PODXL2: variants seen among roughly 807,000 people sequenced by gnomAD.
PODXL2 encodes podocalyxin like 2, also known as podocalyxin-like protein 2.
A neutral mutation model predicts 53.4 loss-of-function variants in PODXL2; 17 were observed. That is an observed-to-expected ratio of 0.32 (90% CI 0.22 to 0.48). PODXL2 has a LOEUF of 0.48. Ranked by LOEUF, PODXL2 falls within the 20% of genes least tolerant of loss-of-function variation. PODXL2 has a pLI of 0.99. For missense variants in PODXL2, 673 were observed against 760.0 expected, an observed-to-expected ratio of 0.89 and a Z score of 1.35; for synonymous variants, 311 against 306.7, an observed-to-expected ratio of 1.01 and a Z score of -0.15.
In PODXL2 at chr3:127,660,613, C is replaced by G; in HGVS notation, c.585C>G (p.Ser195=). 2 of 1,614,100 alleles carry G rather than the reference C, an allele frequency of 1.2e-6. No homozygotes were observed. Among genetic ancestry groups the G allele is most frequent in the Non-Finnish European group, 1.7e-6 (2 of 1,180,006 alleles). The change falls in exon 3 of 8, where the codon TCC becomes TCG. Residue 195 remains serine, a synonymous_variant. Transcript: ENST00000342480. The part of the protein sequence containing the change: ...EEEELLPVNG[S]QEEAKPQVRD... ...AGGAGCTGCTCCCTGTGAATGGATC[C>G]CAAGAAGAAGCCAAGCCTCAGGTCC...
rs535115707 is a variant in PODXL2, at chr3:127,672,776, C to T, written c.*296C>T. ...CTGCGCCCCGGGACTCAATTAAACC[C>T]GCCCGGAGACCACGCCGGGCCCAGC... On this transcript the variant is annotated 3_prime_UTR_variant, in exon 8 of 8. Coordinates refer to ENST00000342480, the MANE Select transcript of PODXL2 (RefSeq NM_015720.4). 134 of 359,182 alleles carry T rather than the reference C, an allele frequency of 3.7e-4. No homozygotes were observed. The highest frequency in any genetic ancestry group is 2.7e-3 in the African/African-American group (126 of 47,130). The allele number at this position is 359,182 out of a possible 1,614,324, so 22.2% of individuals were successfully genotyped here.
chr3:127,629,825 A>G lies in PODXL2; in HGVS notation c.70+536A>G, dbSNP rs908405307. Among the ~76,000 whole-genome samples the G allele has an allele frequency of 3.9e-5, 6 of 151,984 alleles. No individual in the cohort carries two copies. Among genetic ancestry groups the G allele is most frequent in the African/African-American group, 1.2e-4 (5 of 41,414 alleles). On this transcript the variant is annotated intron_variant, in intron 1 of 7. Coordinates refer to ENST00000342480, the MANE Select transcript of PODXL2 (RefSeq NM_015720.4). The surrounding 1 kb of genome is among the most constrained non-coding windows in gnomAD (Gnocchi z 6.4). ...GAGGGAGTGTGAGTGTGTCACGGTG[A>G]ATGGGTATTCTCTCCTGTTCTGGGC...
chr3:127,634,027 G>A (rs1365133276), intron 1 of PODXL2, among the ~76,000 whole-genome samples: 4 of 152,024 alleles, frequency 2.6e-5, no homozygotes, highest in Non-Finnish European at 5.9e-5. Flanking sequence ...GGGGAAGGTG[G>A]GTGCAGAGAG....
Position 127,629,227 on chromosome 3 carries a change from G to T in PODXL2, c.8G>T (p.Arg3Leu), listed in dbSNP as rs1189807758. Residue 3 changes from arginine (R) to leucine (L), a missense_variant, in exon 1 of 8, where the codon CGG becomes CTG. Physicochemically the swap from Arg to Leu is moderately radical, Grantham distance 102. Around this residue, in one of 3 missense-constraint regions of PODXL2, gnomAD observed 588 missense variants for 668.3 expected, o/e 0.88. Transcript: ENST00000342480. This position sits in a 1 kb window ranked among gnomAD's most constrained non-coding sequence, Gnocchi z 6.4. ...GGCGGCGACGGCTACACCATGGGCC[G>T]GCTGCTGCGGGCCGCCCGGCTGCCG... MGRLLRAARLPPL... is the reference protein window; with the variant it reads MGLLLRAARLPPL... 2 of 995,248 alleles carry T rather than the reference G, an allele frequency of 2.0e-6. No homozygotes were observed. Among genetic ancestry groups the T allele is most frequent in the Non-Finnish European group, 2.4e-6 (2 of 837,114 alleles). The allele number at this position is 995,248 out of a possible 1,614,324, so 61.7% of individuals were successfully genotyped here.
chr3:127,638,937 G>C (rs370300649), intron 1 of PODXL2, among the ~76,000 whole-genome samples: 1 of 152,122 alleles, frequency 6.6e-6, no homozygotes, highest in African/African-American at 2.4e-5. Context: ...AACAGAGAGA[G>C]GGTACTCAGG....
At chr3:127,671,881 G>C (rs911231602) in intron 7 of PODXL2, among the ~76,000 whole-genome samples, 2 of 152,200 alleles carry the variant, frequency 1.3e-5, no homozygotes, top group Admixed American at 1.3e-4. Context: ...GGCACTGCAG[G>C]GCCTGAGCAC....
At chr3:127,657,007 CT>C (rs927911878) in intron 2 of PODXL2, among the ~76,000 whole-genome samples, 1 of 152,132 alleles carries the variant, frequency 6.6e-6, no homozygotes, top group African/African-American at 2.4e-5. Context: ...CACCACTGCA[CT>C]CCAGCCTGGG....
chr3:127,672,210 C>G lies in PODXL2; in HGVS notation c.1606-58C>G, dbSNP rs866780023. On this transcript the variant is annotated intron_variant, in intron 7 of 7. Transcript: ENST00000342480. ...GTGGGGTTGCACAGACGGCCGCGGG[C>G]CTGGCGCTGTCCGGGGGCTGGCTCG... 98 of 1,443,060 alleles carry G rather than the reference C, an allele frequency of 6.8e-5. 1 individual carries two copies. The African/African-American group carries it at 1.1e-3, about 17-fold the overall frequency. The allele number at this position is 1,443,060 out of a possible 1,614,324, so 89.4% of individuals were successfully genotyped here. A position where few individuals can be genotyped will look rare whatever the true frequency, so the allele number is the denominator to read the frequency against.
chr3:127,655,522 T>C (rs1160501963), intron 2 of PODXL2, among the ~76,000 whole-genome samples: 1 of 152,202 alleles, frequency 6.6e-6, no homozygotes, highest in African/African-American at 2.4e-5. Context: ...GTCACCTCAC[T>C]GAACCCTGAC....
chr3:127,638,794 A>G (rs1449819156), intron 1 of PODXL2, among the ~76,000 whole-genome samples: 1 of 152,224 alleles, frequency 6.6e-6, no homozygotes, highest in Non-Finnish European at 1.5e-5. Flanking sequence ...TTCATAATGC[A>G]GTTTTGGAGA....
chr3:127,645,486 C>T (rs968211582), intron 2 of PODXL2, among the ~76,000 whole-genome samples: 4 of 152,160 alleles, frequency 2.6e-5, no homozygotes, highest in African/African-American at 7.2e-5. Context: ...GACCAGTGCA[C>T]GTGGTTATGC....
intron 3 of PODXL2, among the ~76,000 whole-genome samples, chr3:127,661,458 T>C (rs1282541615): frequency 2.7e-5 from 4 of 150,930 alleles, no homozygotes; most frequent in African/African-American, 9.7e-5. Context: ...TTTCCCGAGA[T>C]GGAGTCTCAC....
intron 2 of PODXL2, among the ~76,000 whole-genome samples, chr3:127,650,332 G>C (rs1046218875): frequency 4.6e-5 from 7 of 152,146 alleles, no homozygotes; most frequent in African/African-American, 7.2e-5. Context: ...GATCTATTTA[G>C]GGAACAAAGC....
intron 2 of PODXL2, 82 bp downstream of exon 2, chr3:127,639,605 G>T: frequency 7.7e-7 from 1 of 1,298,292 alleles, no homozygotes; most frequent in Non-Finnish European, 1.1e-6. Flanking sequence ...TTCCTTGCCA[G>T]AAGCATCTCT....
At position 127,669,141 on chromosome 3, in the gene PODXL2, G is replaced by A; in HGVS notation, c.1364G>A (p.Gly455Glu). Reference protein sequence around the residue: ...HLLMTLVGEQGVVPTQDVLSM... With the variant: ...HLLMTLVGEQEVVPTQDVLSM... ...GATAGTGGTGTTTCTTACCCCCCAG[G>A]GGTGGTGCCCACTCAAGATGTCCTT... Residue 455 changes from glycine (G) to glutamate (E), a missense_variant and splice_region_variant, in exon 6 of 8, where the codon GGG becomes GAG. This residue lies in a region of PODXL2 where 588 missense variants were observed against 668.3 expected (regional missense o/e 0.88). Transcript: ENST00000342480. 2 of 1,603,334 alleles carry A rather than the reference G, an allele frequency of 1.2e-6. No homozygotes were observed. The highest frequency in any genetic ancestry group is 1.7e-6 in the Non-Finnish European group (2 of 1,175,068).
At chr3:127,630,832 A>G (rs1289072567) in intron 1 of PODXL2, among the ~76,000 whole-genome samples, 1 of 152,244 alleles carries the variant, frequency 6.6e-6, no homozygotes, top group African/African-American at 2.4e-5. Context: ...TCTTTGGAAA[A>G]AGGCGACATT....
intron 6 of PODXL2, among the ~76,000 whole-genome samples, chr3:127,669,860 C>T (rs1452888981): frequency 6.6e-6 from 1 of 152,214 alleles, no homozygotes; most frequent in African/African-American, 2.4e-5. Context: ...TCCTGCTCCT[C>T]ACACCACCTT....
In PODXL2 at chr3:127,657,155, ATC is replaced by A. The variant is rs374933371; in HGVS notation, c.350-3219_350-3218del. On this transcript the variant is annotated intron_variant, in intron 2 of 7. Coordinates refer to ENST00000342480, the MANE Select transcript of PODXL2 (RefSeq NM_015720.4). ...CTGCCGACAGCGTGACTGATGATGC[ATC>A]TCTGAGGAGGCTGTACACAGTTTAG... 8.1e-4 allele frequency among the ~76,000 whole-genome samples: 123 copies of A among 152,324 alleles called. 6 individuals carry two copies. The South Asian group carries it at 0.025, about 31-fold the overall frequency.
intron 1 of PODXL2, among the ~76,000 whole-genome samples, chr3:127,630,937 G>A (rs557940348): frequency 6.6e-6 from 1 of 152,352 alleles, no homozygotes; most frequent in African/African-American, 2.4e-5. Flanking sequence ...CCCAGGCCCA[G>A]CTGTAACTGC....
Sources: gnomAD v4.1 joint callset for allele counts (sites outside exome capture counted in the v4.1 genomes callset) on GRCh38, gnomAD v4.1.1 for gene constraint, gnomAD v4.1.1 regional missense constraint, Gnocchi (gnomAD v3.1) non-coding constraint, MANE v1.5 for transcripts, NCBI Gene and HGNC (gene_info 2026-07-23, HGNC 2026-07-21) for gene names.